The following DAB2IP variants were observed in gnomAD, a reference collection of about 807,000 sequenced individuals.
DAB2IP encodes the protein disabled homolog 2-interacting protein.
Under a neutral mutation model 107.2 loss-of-function variants are expected in DAB2IP, and 28 were observed. The observed-to-expected ratio is 0.26, with a 90% CI of 0.19 to 0.36. The LOEUF is 0.36. Ranked by LOEUF, DAB2IP falls within the 10% of genes least tolerant of loss-of-function variation. The pLI, the probability that DAB2IP is intolerant of heterozygous loss-of-function variation, is 1.00. For synonymous variants in DAB2IP, 755 were observed against 706.4 expected, an observed-to-expected ratio of 1.07 and a Z score of -1.09; for missense variants, 1,400 against 1,644.7, an observed-to-expected ratio of 0.85 and a Z score of 2.57.
chr9:121,761,777 G>T (rs1833910738), intron 6 of DAB2IP, among the ~76,000 whole-genome samples: 2 of 152,198 alleles, frequency 1.3e-5, no homozygotes. Flanking sequence ...TTAACATGCT[G>T]GTCAACACTG....
intron 3 of DAB2IP, among the ~76,000 whole-genome samples, chr9:121,739,694 G>A (rs78552828): frequency 0.017 from 2,620 of 152,286 alleles, 44 homozygotes; most frequent in Middle Eastern, 0.027. Flanking sequence ...GTGAAGCTCC[G>A]AGAGGTGTCC....
At chr9:121,691,424 G>A (rs557277702) in intron 2 of DAB2IP, among the ~76,000 whole-genome samples, 78 of 151,972 alleles carry the variant, frequency 5.1e-4, no homozygotes, top group Non-Finnish European at 7.8e-4. Context: ...TCTGGCTAAC[G>A]GCTGGGCTGG....
In DAB2IP at chr9:121,766,740, T is replaced by G; in HGVS notation, c.1697+10T>G. On this transcript the variant is annotated intron_variant, in intron 9 of 15. Coordinates refer to ENST00000408936, the Ensembl canonical transcript of DAB2IP. Reference sequence around the variant, plus strand: ...TGGCCAACTTTGCCAAGTGAGTGCCTCCTCCCTCACCAGGCAGAGTTGGGC... The same window carrying G: ...TGGCCAACTTTGCCAAGTGAGTGCCGCCTCCCTCACCAGGCAGAGTTGGGC... 6.2e-7 allele frequency: 1 copy of G among 1,613,324 alleles called. No individual in the cohort carries two copies. The highest frequency in any genetic ancestry group is 8.5e-7 in the Non-Finnish European group (1 of 1,179,676).
At chr9:121,594,560 C>G (rs1363221084) in intron 1 of DAB2IP, among the ~76,000 whole-genome samples, 6 of 152,172 alleles carry the variant, frequency 3.9e-5, no homozygotes, top group Non-Finnish European at 7.3e-5. Context: ...CCATCAAGAA[C>G]ACTCAATGAA....
intron 14 of DAB2IP, among the ~76,000 whole-genome samples, chr9:121,780,488 C>T (rs563989020): frequency 2.3e-4 from 35 of 152,196 alleles, no homozygotes; most frequent in Non-Finnish European, 3.8e-4. Flanking sequence ...GCGGTGGCTG[C>T]TCTAGGCTGG....
intron 2 of DAB2IP, among the ~76,000 whole-genome samples, chr9:121,679,349 T>C (rs1029608731): frequency 1.3e-5 from 2 of 151,496 alleles, no homozygotes; most frequent in African/African-American, 4.9e-5. Flanking sequence ...TAAACAACTT[T>C]ATGGAAACAG....
chr9:121,579,726 C>A (rs1425461403), intron 1 of DAB2IP, among the ~76,000 whole-genome samples: 1 of 152,236 alleles, frequency 6.6e-6, no homozygotes, highest in Non-Finnish European at 1.5e-5. Context: ...TGCCACACAC[C>A]TTGGAGCTTC....
chr9:121,693,410 G>A (rs1000132260), intron 2 of DAB2IP, among the ~76,000 whole-genome samples: 4 of 152,208 alleles, frequency 2.6e-5, no homozygotes, highest in Non-Finnish European at 5.9e-5. Context: ...TCCTGGAGCC[G>A]AGAGAGGTGG....
chr9:121,689,167 G>T (rs1829035967), intron 2 of DAB2IP, among the ~76,000 whole-genome samples: 1 of 152,126 alleles, frequency 6.6e-6, no homozygotes, highest in South Asian at 2.1e-4. Flanking sequence ...GGTAGCGCAT[G>T]CCTGTAACCC....
In DAB2IP at chr9:121,692,139, G is replaced by A. The variant is rs902323991; in HGVS notation, c.229-7186G>A. 1.8e-4 allele frequency among the ~76,000 whole-genome samples: 28 copies of A among 152,320 alleles called. No homozygotes were observed. In the South Asian group the frequency reaches 5.8e-3, roughly 32 times the overall value. On this transcript the variant is annotated intron_variant, in intron 2 of 15. Coordinates refer to ENST00000408936, the Ensembl canonical transcript of DAB2IP. ...CTGTCCTGGTTGTGAATGTGAGCACGTGAGGGCCAGCGTGTTTAGCTTGTG... is the reference window on the plus strand; with the variant it reads ...CTGTCCTGGTTGTGAATGTGAGCACATGAGGGCCAGCGTGTTTAGCTTGTG...
At chr9:121,593,159 G>A (rs1167132238) in intron 1 of DAB2IP, among the ~76,000 whole-genome samples, 1 of 151,904 alleles carries the variant, frequency 6.6e-6, no homozygotes, top group African/African-American at 2.4e-5. Flanking sequence ...TCATAGCTTA[G>A]TGCAGCATCA....
chr9:121,585,223 AG>A (rs1830286466), intron 1 of DAB2IP, among the ~76,000 whole-genome samples: 1 of 152,194 alleles, frequency 6.6e-6, no homozygotes, highest in Non-Finnish European at 1.5e-5. Flanking sequence ...CAGAATGGCG[AG>A]GGGTCAATGA....
intron 1 of DAB2IP, chr9:121,567,295 G>C (rs745399903): frequency 3.7e-5 from 59 of 1,608,868 alleles, no homozygotes; most frequent in Non-Finnish European, 4.7e-5. Flanking sequence ...ACTTTTCTCT[G>C]CTATAGGAAT....
At chr9:121,711,074 G>A (rs1830316392) in intron 3 of DAB2IP, among the ~76,000 whole-genome samples, 1 of 152,194 alleles carries the variant, frequency 6.6e-6, no homozygotes, top group African/African-American at 2.4e-5. Flanking sequence ...AGGAAAAATG[G>A]AGCTGGCAGA....
intron 1 of DAB2IP, among the ~76,000 whole-genome samples, chr9:121,638,002 C>G (rs915764933): frequency 6.6e-6 from 1 of 152,074 alleles, no homozygotes; most frequent in Admixed American, 6.6e-5. Context: ...AATGGTGACA[C>G]CCCCCTCCCC....
intron 3 of DAB2IP, among the ~76,000 whole-genome samples, chr9:121,732,102 C>A (rs1831578470): frequency 1.3e-5 from 2 of 152,132 alleles, no homozygotes; most frequent in Non-Finnish European, 2.9e-5. Context: ...ACAATAGAAC[C>A]AGCAGTCACA....
chr9:121,653,987 G>A (rs547282927), intron 1 of DAB2IP, among the ~76,000 whole-genome samples: 8 of 152,176 alleles, frequency 5.3e-5, no homozygotes, highest in South Asian at 2.1e-4. Context: ...GTTTCCCTTC[G>A]CAGAGGGAGT....
chr9:121,636,159 C>T (rs773057687), intron 1 of DAB2IP, among the ~76,000 whole-genome samples: 4 of 152,108 alleles, frequency 2.6e-5, no homozygotes, highest in Non-Finnish European at 5.9e-5. Context: ...CCACCTGCCT[C>T]GGCCTCCCAA....
chr9:121,665,717 G>C (rs1833391199), intron 1 of DAB2IP, among the ~76,000 whole-genome samples: 1 of 152,160 alleles, frequency 6.6e-6, no homozygotes, highest in Non-Finnish European at 1.5e-5. Flanking sequence ...TTTGATAAAA[G>C]GTGCATTATG....
Sources: gnomAD v4.1 joint callset for allele counts (sites outside exome capture counted in the v4.1 genomes callset) on GRCh38, gnomAD v4.1.1 for gene constraint, MANE v1.5 for transcripts, NCBI Gene and HGNC (gene_info 2026-07-23, HGNC 2026-07-21) for gene names.